Variants in POU6F1 observed in about 807,000 individuals in gnomAD.
POU6F1 encodes POU class 6 homeobox 1, also known as POU domain, class 6, transcription factor 1.
POU6F1 carries 9 observed loss-of-function variants against 28.9 expected under a neutral mutation model. The observed-to-expected ratio is 0.31, with a 90% CI of 0.19 to 0.54. The LOEUF is 0.54. Among genes scored for constraint, POU6F1 ranks in the 20% least tolerant of loss-of-function variants. The pLI, the probability that POU6F1 is intolerant of heterozygous loss-of-function variation, is 0.94. For missense variants in POU6F1, 338 were observed against 426.1 expected, an observed-to-expected ratio of 0.79 and a Z score of 1.82; for synonymous variants, 173 against 171.1, an observed-to-expected ratio of 1.01 and a Z score of -0.09.
At chr12:51,206,009 G>A (rs1592183366) in intron 2 of POU6F1, among the ~76,000 whole-genome samples, 1 of 149,210 alleles carries the variant, frequency 6.7e-6, no homozygotes, top group African/African-American at 2.4e-5. Flanking sequence ...TGTAGAGACA[G>A]GGTTTCACCA....
intron 1 of POU6F1, among the ~76,000 whole-genome samples, chr12:51,212,149 A>G (rs1944040195): frequency 6.6e-6 from 1 of 151,758 alleles, no homozygotes; most frequent in Non-Finnish European, 1.5e-5. Context: ...GCTGGAGTCC[A>G]GTGGCACAAT....
chr12:51,216,472 A>G (rs1424130735), intron 1 of POU6F1, among the ~76,000 whole-genome samples: 2 of 152,224 alleles, frequency 1.3e-5, no homozygotes, highest in African/African-American at 4.8e-5. Context: ...ACTCCATGAT[A>G]GAAGTTTTGT....
intron 1 of POU6F1, among the ~76,000 whole-genome samples, chr12:51,208,115 A>AG (rs1165616517): frequency 2.0e-5 from 3 of 151,600 alleles, no homozygotes; most frequent in Non-Finnish European, 2.9e-5. Context: ...TGTACCAAAA[A>AG]AAAAAAAAAA....
intron 3 of POU6F1, among the ~76,000 whole-genome samples, chr12:51,202,837 C>T (rs1943319243): frequency 6.6e-6 from 1 of 152,124 alleles, no homozygotes; most frequent in South Asian, 2.1e-4. Context: ...CTACCCTCAG[C>T]GGCCACAACA....
In POU6F1 at chr12:51,190,172, T is replaced by A; in HGVS notation, c.*75A>T. On this transcript the variant is annotated 3_prime_UTR_variant, in exon 11 of 11. Transcript: ENST00000333640. This position sits in a 1 kb window ranked among gnomAD's most constrained non-coding sequence, Gnocchi z 4.5. ...CTGCACGTGGCAAAATGACAGGTGCTGTCATGGCAGTGGCTGCAGCCGGAT... is the reference window on the plus strand; with the variant it reads ...CTGCACGTGGCAAAATGACAGGTGCAGTCATGGCAGTGGCTGCAGCCGGAT... 6.5e-7 allele frequency: 1 copy of A among 1,548,362 alleles called. No individual in the cohort carries two copies. The highest frequency in any genetic ancestry group is 8.7e-7 in the Non-Finnish European group (1 of 1,149,016).
intron 4 of POU6F1, 77 bp from the exon 5 acceptor site, chr12:51,198,852 T>C: frequency 2.5e-6 from 1 of 397,906 alleles, no homozygotes; most frequent in Non-Finnish European, 4.4e-6. Flanking sequence ...ACTGGGTCTC[T>C]GAGACCCAGC....
At chr12:51,216,948 G>C (rs959151269) in intron 1 of POU6F1, among the ~76,000 whole-genome samples, 3 of 152,146 alleles carry the variant, frequency 2.0e-5, no homozygotes, top group African/African-American at 7.2e-5. Context: ...CCTTGGCCTT[G>C]CCAGGTGAGC....
chr12:51,196,389 G>A (rs1942829059), intron 7 of POU6F1, among the ~76,000 whole-genome samples: 1 of 152,208 alleles, frequency 6.6e-6, no homozygotes, highest in Non-Finnish European at 1.5e-5. Flanking sequence ...AATAGGTCTG[G>A]ATGTGGATTC....
Position 51,217,822 on chromosome 12 carries a change from C to T in POU6F1, c.-228G>A, listed in dbSNP as rs1426788437. On this transcript the variant is annotated 5_prime_UTR_variant, in exon 1 of 11. Coordinates refer to ENST00000333640, the MANE Select transcript of POU6F1 (RefSeq NM_001330422.2). This position sits in a 1 kb window ranked among gnomAD's most constrained non-coding sequence, Gnocchi z 5.3. ...GCTCGGCCCGGGAGCTGGTCGGGAC[C>T]CGCCGCCGCCCCCAGGCCCCCAGCC... 1 of 151,264 alleles carries T rather than the reference C, an allele frequency of 6.6e-6. No individual in the cohort carries two copies. Among genetic ancestry groups the T allele is most frequent in the Non-Finnish European group, 1.5e-5 (1 of 67,672 alleles). 9.4% of individuals were successfully genotyped at this position (151,264 alleles called of 1,614,324 possible).
At chr12:51,209,571 G>A (rs539818024) in intron 1 of POU6F1, among the ~76,000 whole-genome samples, 1 of 152,284 alleles carries the variant, frequency 6.6e-6, no homozygotes, top group East Asian at 1.9e-4. Context: ...TTTGGCTATT[G>A]CAAATAGTGT....
chr12:51,194,347 A>C (rs551925546), intron 8 of POU6F1, among the ~76,000 whole-genome samples: 2 of 152,236 alleles, frequency 1.3e-5, no homozygotes, highest in South Asian at 4.1e-4. Context: ...ATTTTTAAAA[A>C]ATGCATCTCT....
chr12:51,197,084 GC>G (rs1942879180), intron 6 of POU6F1, 157 bp from the exon 7 acceptor site: 1 of 499,094 alleles, frequency 2.0e-6, no homozygotes, highest in African/African-American at 2.0e-5. Context: ...GGGTCTACCG[GC>G]TGGATGGTTT....
chr12:51,213,606 T>C (rs1024028027), intron 1 of POU6F1, among the ~76,000 whole-genome samples: 3 of 152,030 alleles, frequency 2.0e-5, no homozygotes, highest in Non-Finnish European at 4.4e-5. Flanking sequence ...TGATCTCGGC[T>C]AACTGCAACC....
At position 51,196,994 on chromosome 12, in the gene POU6F1, G is replaced by A. The variant is rs1005842636; in HGVS notation, c.847-67C>T. Reference sequence around the variant, plus strand: ...AGAAGAACCCCGGGCAGAGGGAAGAGGACAGAGGGCATTGGGGTGGGTAGA... The same window carrying A: ...AGAAGAACCCCGGGCAGAGGGAAGAAGACAGAGGGCATTGGGGTGGGTAGA... On this transcript the variant is annotated intron_variant, in intron 6 of 10. Coordinates refer to ENST00000333640, the MANE Select transcript of POU6F1 (RefSeq NM_001330422.2). 7 of 881,090 alleles carry A rather than the reference G, an allele frequency of 7.9e-6. 1 individual carries two copies. The highest frequency in any genetic ancestry group is 4.7e-5 in the South Asian group (3 of 63,460). The allele number at this position is 881,090 out of a possible 1,614,324, so 54.6% of individuals were successfully genotyped here.
intron 9 of POU6F1, among the ~76,000 whole-genome samples, chr12:51,192,104 G>A (rs1364170889): frequency 2.4e-5 from 3 of 124,652 alleles, no homozygotes; most frequent in South Asian, 2.5e-4. Context: ...CCCATGGCTC[G>A]GCCTCTCCAA....
At chr12:51,202,639 A>T (rs1943307533) in intron 3 of POU6F1, 1 of 152,172 alleles carries the variant, frequency 6.6e-6, no homozygotes, top group South Asian at 2.1e-4. Context: ...CCTCAAAGGG[A>T]ATTTAGTAGA....
chr12:51,208,789 T>C (rs1402737218), intron 1 of POU6F1, among the ~76,000 whole-genome samples: 1 of 151,976 alleles, frequency 6.6e-6, no homozygotes, highest in Non-Finnish European at 1.5e-5. Context: ...GTACAAAAAG[T>C]AGCTGAGCGT....
chr12:51,196,129 C>G lies in POU6F1; in HGVS notation c.1020G>C (p.Ala340=), dbSNP rs575728452. The G allele has an allele frequency of 1.9e-6, 3 of 1,572,194 alleles. No homozygotes were observed. Among genetic ancestry groups the G allele is most frequent in the Admixed American group, 1.8e-5 (1 of 54,268 alleles). ...LPWVVNSASV[A]APAPAQSLQV... is the part of the protein sequence containing the mutation. Reference sequence around the variant, plus strand: ...GCAGGCTTTGGGCTGGTGCTGGGGCCGCCACACTAGCTGAGTTCACTACCC... The same window carrying G: ...GCAGGCTTTGGGCTGGTGCTGGGGCGGCCACACTAGCTGAGTTCACTACCC... The change falls in exon 8 of 11, where the codon GCG becomes GCC. Residue 340 remains alanine, a synonymous_variant. Coordinates refer to ENST00000333640, the MANE Select transcript of POU6F1 (RefSeq NM_001330422.2).
chr12:51,200,669 A>G (rs911657455), intron 3 of POU6F1, among the ~76,000 whole-genome samples: 3 of 152,124 alleles, frequency 2.0e-5, no homozygotes, highest in African/African-American at 7.2e-5. Flanking sequence ...ATAGGACCAG[A>G]TCACTGGCTT....
Sources: gnomAD v4.1 joint callset for allele counts (sites outside exome capture counted in the v4.1 genomes callset) on GRCh38, gnomAD v4.1.1 for gene constraint, Gnocchi (gnomAD v3.1) non-coding constraint, MANE v1.5 for transcripts, NCBI Gene and HGNC (gene_info 2026-07-23, HGNC 2026-07-21) for gene names.